The following PBLD variants were observed in gnomAD, a reference collection of about 807,000 sequenced individuals.
PBLD encodes the protein phenazine biosynthesis-like domain-containing protein.
PBLD carries 26 observed loss-of-function variants against 31.3 expected under a neutral mutation model. That is an observed-to-expected ratio of 0.83 (90% CI 0.61 to 1.15). The LOEUF is 1.15. PBLD is among the 50% of genes most tolerant of loss of function. The pLI, the probability that PBLD is intolerant of heterozygous loss-of-function variation, is 0.00. For synonymous variants in PBLD, 114 were observed against 129.0 expected, an observed-to-expected ratio of 0.88 and a Z score of 0.79; for missense variants, 307 against 351.7, an observed-to-expected ratio of 0.87 and a Z score of 1.02.
chr10:68,296,776 CA>C, intron 3 of PBLD, 109 bp downstream of exon 3: 1 of 961,966 alleles, frequency 1.0e-6, no homozygotes, highest in Admixed American at 2.0e-5. Flanking sequence ...GGCTGAGGCA[CA>C]ATAATTGCTT....
chr10:68,284,091 C>A lies in PBLD; in HGVS notation c.*86G>T. 7.9e-7 allele frequency: 1 copy of A among 1,265,770 alleles called. No homozygotes were observed. The highest frequency in any genetic ancestry group is 1.1e-6 in the Non-Finnish European group (1 of 887,286). The allele number at this position is 1,265,770 out of a possible 1,614,324, so 78.4% of individuals were successfully genotyped here. On this transcript the variant is annotated 3_prime_UTR_variant, in exon 10 of 10. Coordinates refer to ENST00000358769, the MANE Select transcript of PBLD (RefSeq NM_022129.4). The stretch of plus-strand genomic sequence containing the variant: ...TGAGGATTAAGTAGACTACTACGCA[C>A]ATTTGCTAAAGGCAGCCCCTTACAT...
intron 1 of PBLD, among the ~76,000 whole-genome samples, chr10:68,327,297 C>G (rs1359539339): frequency 6.6e-6 from 1 of 152,158 alleles, no homozygotes; most frequent in Non-Finnish European, 1.5e-5. Context: ...TCCCTGCCCC[C>G]AGTGTGACCA....
chr10:68,315,844 C>T (rs2134510285), intron 1 of PBLD, among the ~76,000 whole-genome samples: 1 of 152,284 alleles, frequency 6.6e-6, no homozygotes, highest in East Asian at 1.9e-4. Flanking sequence ...GACTGAGAGA[C>T]ATATTGACTC....
intron 1 of PBLD, among the ~76,000 whole-genome samples, chr10:68,326,553 T>G (rs1354082104): frequency 6.6e-6 from 1 of 152,242 alleles, no homozygotes; most frequent in Non-Finnish European, 1.5e-5. Flanking sequence ...GCTCCCAATG[T>G]AGCTCTTAGG....
chr10:68,294,919 G>A (rs2044405365), intron 4 of PBLD, among the ~76,000 whole-genome samples: 1 of 152,030 alleles, frequency 6.6e-6, no homozygotes, highest in South Asian at 2.1e-4. Context: ...GTAGAGACGG[G>A]GTTTTGCCCA....
At chr10:68,311,504 T>C (rs1439393150) in intron 1 of PBLD, among the ~76,000 whole-genome samples, 2 of 151,916 alleles carry the variant, frequency 1.3e-5, no homozygotes, top group African/African-American at 2.4e-5. Context: ...GAGAATGGCA[T>C]GAACCTGGGA....
At chr10:68,327,427 C>T (rs1447162128) in intron 1 of PBLD, among the ~76,000 whole-genome samples, 1 of 151,748 alleles carries the variant, frequency 6.6e-6, no homozygotes, top group East Asian at 1.9e-4. Flanking sequence ...CGCCTGTAAT[C>T]CCAGCATTTT....
chr10:68,312,862 C>T (rs1028384842), intron 1 of PBLD, among the ~76,000 whole-genome samples: 8 of 151,932 alleles, frequency 5.3e-5, no homozygotes, highest in Non-Finnish European at 1.0e-4. Flanking sequence ...CCGCCCACCT[C>T]GGACTCCCAA....
intron 7 of PBLD, 22 bp downstream of exon 7, chr10:68,288,909 C>T (rs1198687428): frequency 1.2e-6 from 2 of 1,607,074 alleles, no homozygotes; most frequent in Non-Finnish European, 1.7e-6. Flanking sequence ...CCCCAAAGTG[C>T]TGATGCAGCC....
chr10:68,325,629 T>A lies in PBLD; in HGVS notation c.-60+7155A>T, dbSNP rs79851734. On this transcript the variant is annotated intron_variant, in intron 1 of 9. Coordinates refer to ENST00000358769, the MANE Select transcript of PBLD (RefSeq NM_022129.4). Reference sequence around the variant, plus strand: ...CATCAATCTTAAAAGCCAAGCTCCATAGGGTAGCACACAAACTTCTCCAAG... The same window carrying A: ...CATCAATCTTAAAAGCCAAGCTCCAAAGGGTAGCACACAAACTTCTCCAAG... Among the ~76,000 whole-genome samples the A allele has an allele frequency of 4.2e-3, 633 of 152,310 alleles. 3 individuals are homozygous for A. The highest frequency in any genetic ancestry group is 0.015 in the African/African-American group (605 of 41,570).
chr10:68,299,675 G>A lies in PBLD; in HGVS notation c.85-2690C>T, dbSNP rs143354529. ...GTTCGAGACCAGCCTGGCCAACATG[G>A]CAAAACCCCATCACTACTAAAAATA... On this transcript the variant is annotated intron_variant, in intron 2 of 9. Coordinates refer to ENST00000358769, the MANE Select transcript of PBLD (RefSeq NM_022129.4). Among the ~76,000 whole-genome samples the A allele has an allele frequency of 6.7e-3, 1,016 of 151,960 alleles. 15 individuals are homozygous for A. Among genetic ancestry groups the A allele is most frequent in the African/African-American group, 0.023 (943 of 41,460 alleles).
At chr10:68,330,585 G>A (rs985047637) in intron 1 of PBLD, among the ~76,000 whole-genome samples, 12 of 151,954 alleles carry the variant, frequency 7.9e-5, no homozygotes, top group Non-Finnish European at 1.6e-4. Flanking sequence ...TCGCTCTGTC[G>A]CCCAGGCTGG....
chr10:68,312,832 C>T (rs1015292082), intron 1 of PBLD, among the ~76,000 whole-genome samples: 2 of 151,956 alleles, frequency 1.3e-5, no homozygotes, highest in South Asian at 2.1e-4. Context: ...AGGATGGTCT[C>T]GATCTCCTGA....
At chr10:68,312,457 T>C (rs1207530274) in intron 1 of PBLD, among the ~76,000 whole-genome samples, 9 of 152,218 alleles carry the variant, frequency 5.9e-5, no homozygotes, top group Non-Finnish European at 1.5e-5. Context: ...TTTTATAATA[T>C]AGCTATTGAC....
intron 2 of PBLD, among the ~76,000 whole-genome samples, chr10:68,303,644 GAAT>G (rs201149319): frequency 0.043 from 6,447 of 151,472 alleles, 164 homozygotes; most frequent in African/African-American, 0.048. Context: ...AAATCCTTTA[GAAT>G]ATTATAGAAG....
At chr10:68,286,154 C>T (rs375679899) in intron 8 of PBLD, among the ~76,000 whole-genome samples, 12 of 134,640 alleles carry the variant, frequency 8.9e-5, no homozygotes, top group African/African-American at 3.3e-4. Flanking sequence ...GTGGCACAAT[C>T]TCGGCTCACT....
At chr10:68,298,259 C>CA (rs1240750765) in intron 2 of PBLD, among the ~76,000 whole-genome samples, 1 of 151,396 alleles carries the variant, frequency 6.6e-6, no homozygotes, top group Non-Finnish European at 1.5e-5. Flanking sequence ...GTCTCAAAAA[C>CA]AAAAAAGAAA....
chr10:68,322,811 G>A (rs983137463), intron 1 of PBLD, among the ~76,000 whole-genome samples: 3 of 151,848 alleles, frequency 2.0e-5, no homozygotes, highest in South Asian at 2.1e-4. Flanking sequence ...GGAGTGCAGC[G>A]GTACAATCAT....
chr10:68,328,177 T>G (rs2044953442), intron 1 of PBLD, among the ~76,000 whole-genome samples: 1 of 152,220 alleles, frequency 6.6e-6, no homozygotes, highest in Non-Finnish European at 1.5e-5. Context: ...TACACAAATT[T>G]AGTGTTTAAA....
Sources: allele counts gnomAD v4.1 joint callset (sites outside exome capture counted in the v4.1 genomes callset), GRCh38; gene constraint gnomAD v4.1.1; transcripts MANE v1.5; gene names NCBI Gene and HGNC (gene_info 2026-07-23, HGNC 2026-07-21).